The following PTPRD variants were observed in gnomAD, a reference collection of about 807,000 sequenced individuals.
The protein encoded by PTPRD is protein tyrosine phosphatase receptor type D.
A neutral mutation model predicts 214.5 loss-of-function variants in PTPRD; 34 were observed. The observed-to-expected ratio is 0.16, with a 90% confidence interval of 0.12 to 0.21. PTPRD has a LOEUF of 0.21. Ranked by LOEUF, PTPRD falls within the 10% of genes least tolerant of loss-of-function variation. PTPRD has a pLI of 1.00. For synonymous variants in PTPRD, 1,128 were observed against 845.7 expected (o/e 1.33, Z -5.79); for missense variants, 2,545 against 2,398.7 (o/e 1.06, Z -1.27).
intron 12 of PTPRD, among the ~76,000 whole-genome samples, chr9:8,705,987 C>A (rs972687558): frequency 3.9e-5 from 6 of 152,142 alleles, no homozygotes; most frequent in Non-Finnish European, 5.9e-5. Context: ...CCAAGCCAGG[C>A]ATTCATTTCA....
At position 9,672,257 on chromosome 9, in the gene PTPRD, C is replaced by T. The variant is rs559507034; in HGVS notation, c.-287+62276G>A. ...GTAAATTTTTAGCAAATTCTATCAT[C>T]TAAAGACTATTTTTAATAAATTGGA... On this transcript the variant is annotated intron_variant, in intron 7 of 45. Coordinates refer to ENST00000381196, the MANE Select transcript of PTPRD (RefSeq NM_002839.4). 5.3e-5 allele frequency among the ~76,000 whole-genome samples: 8 copies of T among 152,118 alleles called. No individual in the cohort carries two copies. In the South Asian group the frequency reaches 1.7e-3, roughly 32 times the overall value.
intron 12 of PTPRD, among the ~76,000 whole-genome samples, chr9:8,696,932 G>C (rs1197503775): frequency 2.6e-5 from 4 of 152,000 alleles, no homozygotes; most frequent in African/African-American, 9.7e-5. Context: ...ATGATACCTT[G>C]AACTTTCCAA....
chr9:9,251,935 G>C (rs569555121), intron 9 of PTPRD, among the ~76,000 whole-genome samples: 1 of 152,174 alleles, frequency 6.6e-6, no homozygotes, highest in East Asian at 1.9e-4. Context: ...ATACTACCCA[G>C]AGTGCCTTCA....
At chr9:9,148,809 G>T (rs530928645) in intron 10 of PTPRD, among the ~76,000 whole-genome samples, 1 of 152,028 alleles carries the variant, frequency 6.6e-6, no homozygotes, top group Admixed American at 6.6e-5. Flanking sequence ...GGATATTAAT[G>T]AATATTTAAT....
At chr9:8,703,723 G>A (rs1423460088) in intron 12 of PTPRD, among the ~76,000 whole-genome samples, 4 of 152,054 alleles carry the variant, frequency 2.6e-5, no homozygotes, top group South Asian at 2.1e-4. Context: ...GTCTAATCCC[G>A]TGGCTCTGTC....
At chr9:9,429,772 A>G (rs1020209773) in intron 8 of PTPRD, among the ~76,000 whole-genome samples, 3 of 152,196 alleles carry the variant, frequency 2.0e-5, no homozygotes, top group Non-Finnish European at 4.4e-5. Flanking sequence ...AACATAATCC[A>G]TCATACGAAC....
intron 35 of PTPRD, among the ~76,000 whole-genome samples, chr9:8,426,259 C>G (rs2094663865): frequency 6.6e-6 from 1 of 152,142 alleles, no homozygotes; most frequent in Non-Finnish European, 1.5e-5. Context: ...AACCAAGGTT[C>G]TGAGAGGTAA....
chr9:9,996,969 T>C lies in PTPRD; in HGVS notation c.-472+36749A>G, dbSNP rs561719661. On this transcript the variant is annotated intron_variant, in intron 4 of 45. Coordinates refer to ENST00000381196, the MANE Select transcript of PTPRD (RefSeq NM_002839.4). ...AACAAACCAGGAAGTATGGCCTGTA[T>C]ACAGGAAAAAGAGCAGTCAGTAGAA... Among the ~76,000 whole-genome samples, 9 of 152,282 alleles carry C rather than the reference T, an allele frequency of 5.9e-5. No homozygotes were observed. In the East Asian group the frequency reaches 1.2e-3, roughly 20 times the overall value.
intron 5 of PTPRD, among the ~76,000 whole-genome samples, chr9:9,774,349 T>C (rs112160508): frequency 1.9e-4 from 29 of 152,348 alleles, no homozygotes; most frequent in African/African-American, 7.0e-4. Flanking sequence ...TTTTAAGATG[T>C]ATTTTACTAT....
At chr9:8,538,858 A>G (rs1406079104) in intron 14 of PTPRD, among the ~76,000 whole-genome samples, 6 of 151,906 alleles carry the variant, frequency 3.9e-5, no homozygotes, top group African/African-American at 1.2e-4. Flanking sequence ...AGTTGAAAGG[A>G]AACACTTTCC....
intron 10 of PTPRD, among the ~76,000 whole-genome samples, chr9:9,121,741 G>C (rs2099817828): frequency 6.6e-6 from 1 of 152,090 alleles, no homozygotes; most frequent in Non-Finnish European, 1.5e-5. Context: ...CAGGTGATGG[G>C]TGCATCAGGT....
chr9:8,402,605 G>A (rs2092543077), intron 36 of PTPRD, among the ~76,000 whole-genome samples: 1 of 151,830 alleles, frequency 6.6e-6, no homozygotes, highest in Admixed American at 6.6e-5. Flanking sequence ...TTTTGCTAAT[G>A]GAAAAAAGAT....
chr9:10,065,453 T>TA (rs977208011), intron 3 of PTPRD, among the ~76,000 whole-genome samples: 3 of 151,700 alleles, frequency 2.0e-5, no homozygotes, highest in African/African-American at 7.3e-5. Flanking sequence ...GCTTTTTTTT[T>TA]ATTTTTTTTC....
chr9:9,092,751 G>A (rs1425440429), intron 10 of PTPRD, among the ~76,000 whole-genome samples: 1 of 152,008 alleles, frequency 6.6e-6, no homozygotes, highest in Non-Finnish European at 1.5e-5. Flanking sequence ...TTCATGTTAT[G>A]TGCAATGTGC....
rs1209511004 is a variant in PTPRD at position 8,813,211 on chromosome 9, C to T, written c.-103-79265G>A. 5.3e-5 allele frequency among the ~76,000 whole-genome samples: 8 copies of T among 151,856 alleles called. 1 individual carries two copies. Among genetic ancestry groups the T allele is most frequent in the Non-Finnish European group, 4.4e-5 (3 of 68,002 alleles). On this transcript the variant is annotated intron_variant, in intron 11 of 45. Transcript: ENST00000381196. ...GACCTGGAGGGTAGAATAATTATCA[C>T]TGTTATTAAGTCTGCATATGAGACC...
At chr9:9,420,182 T>C (rs1437578529) in intron 8 of PTPRD, among the ~76,000 whole-genome samples, 1 of 151,856 alleles carries the variant, frequency 6.6e-6, no homozygotes, top group African/African-American at 2.4e-5. Flanking sequence ...TAAAGCTTAA[T>C]ATTTTAGAAA....
intron 3 of PTPRD, among the ~76,000 whole-genome samples, chr9:10,074,001 C>T (rs2098085195): frequency 6.6e-6 from 1 of 152,028 alleles, no homozygotes; most frequent in Admixed American, 6.6e-5. Flanking sequence ...AGGTAAAGTG[C>T]ACATAAAATA....
intron 11 of PTPRD, among the ~76,000 whole-genome samples, chr9:8,975,035 T>G (rs1487846012): frequency 6.8e-6 from 1 of 146,256 alleles, no homozygotes; most frequent in Non-Finnish European, 1.5e-5. Flanking sequence ...AAGTGGAGAT[T>G]GCAGTGAGCC....
intron 5 of PTPRD, among the ~76,000 whole-genome samples, chr9:9,873,015 T>C (rs886617871): frequency 6.6e-5 from 10 of 152,180 alleles, no homozygotes; most frequent in African/African-American, 2.4e-4. Context: ...ATCAATACTA[T>C]TTTGATAATC....
Sources: allele counts gnomAD v4.1 joint callset (sites outside exome capture counted in the v4.1 genomes callset), GRCh38; gene constraint gnomAD v4.1.1; transcripts MANE v1.5; gene names NCBI Gene and HGNC (gene_info 2026-07-23, HGNC 2026-07-21).